PPP2R2B: variants seen among roughly 807,000 people sequenced by gnomAD.
PPP2R2B encodes protein phosphatase 2 regulatory subunit Bbeta.
Under a neutral mutation model 46.0 loss-of-function variants are expected in PPP2R2B, and 5 were observed. That is an observed-to-expected ratio of 0.11 (90% CI 0.06 to 0.23). PPP2R2B has a LOEUF of 0.23. Among genes scored for constraint, PPP2R2B ranks in the 10% least tolerant of loss-of-function variants. The pLI is 1.00. For synonymous variants in PPP2R2B, 215 were observed against 206.7 expected (o/e 1.04, Z -0.34); for missense variants, 367 against 575.0 (o/e 0.64, Z 3.70).
intron 2 of PPP2R2B, among the ~76,000 whole-genome samples, chr5:147,070,206 C>T (rs770320740): frequency 1.1e-4 from 16 of 152,054 alleles, no homozygotes; most frequent in Non-Finnish European, 1.3e-4. Context: ...TACCACAGAC[C>T]GTGGCTATTT....
intron 1 of PPP2R2B, among the ~76,000 whole-genome samples, chr5:146,956,218 C>T (rs1751899961): frequency 7.6e-6 from 1 of 132,204 alleles, no homozygotes; most frequent in African/African-American, 2.6e-5. Flanking sequence ...AATTTTCTCC[C>T]ATCAAATTTC....
intron 5 of PPP2R2B, among the ~76,000 whole-genome samples, chr5:146,678,817 C>T (rs1777923537): frequency 8.4e-6 from 1 of 118,476 alleles, no homozygotes; most frequent in Non-Finnish European, 1.6e-5. Flanking sequence ...AATAAAATAC[C>T]TAGGAATCCA....
intron 2 of PPP2R2B, among the ~76,000 whole-genome samples, chr5:146,853,899 A>G (rs1017670420): frequency 1.4e-4 from 22 of 152,000 alleles, no homozygotes; most frequent in Admixed American, 1.2e-3. Context: ...CTGCTTCCTC[A>G]TGAGCCCTGC....
At chr5:147,062,969 AG>A (rs1251376997) in intron 2 of PPP2R2B, among the ~76,000 whole-genome samples, 3 of 48,856 alleles carry the variant, frequency 6.1e-5, no homozygotes, top group African/African-American at 3.5e-4. Flanking sequence ...GGAGGGAGGG[AG>A]GGAGGGAGGG....
intron 1 of PPP2R2B, among the ~76,000 whole-genome samples, chr5:146,936,794 A>G (rs1287996522): frequency 2.6e-5 from 4 of 152,182 alleles, no homozygotes; most frequent in Non-Finnish European, 5.9e-5. Context: ...GGGATCATAG[A>G]AATAAAAGAC....
intron 1 of PPP2R2B, among the ~76,000 whole-genome samples, chr5:147,007,405 A>C (rs1468301074): frequency 4.6e-5 from 7 of 151,874 alleles, no homozygotes; most frequent in African/African-American, 7.3e-5. Flanking sequence ...ACCAATCAGC[A>C]CTCTGTGTCT....
At chr5:146,677,348 A>G (rs1430826700) in intron 5 of PPP2R2B, among the ~76,000 whole-genome samples, 1 of 152,190 alleles carries the variant, frequency 6.6e-6, no homozygotes, top group East Asian at 1.9e-4. Context: ...GTTGAGAAAG[A>G]ACTCAGGCAG....
chr5:147,022,455 G>A (rs114056996), intron 1 of PPP2R2B, among the ~76,000 whole-genome samples: 2,785 of 151,960 alleles, frequency 0.018, 102 homozygotes, highest in African/African-American at 0.063. Flanking sequence ...AGCCATTCGG[G>A]AGGCTGAGGC....
At chr5:146,997,047 A>G (rs559484651) in intron 1 of PPP2R2B, among the ~76,000 whole-genome samples, 5 of 152,232 alleles carry the variant, frequency 3.3e-5, no homozygotes, top group Admixed American at 2.0e-4. Context: ...CAAACACGGG[A>G]TTGCACCCAA....
chr5:146,769,092 G>A (rs909567480), intron 2 of PPP2R2B, among the ~76,000 whole-genome samples: 1 of 152,120 alleles, frequency 6.6e-6, no homozygotes, highest in African/African-American at 2.4e-5. Flanking sequence ...TGGCCAGGCT[G>A]GTCTTGAACT....
At chr5:147,012,066 T>G (rs980956840) in intron 1 of PPP2R2B, among the ~76,000 whole-genome samples, 27 of 150,658 alleles carry the variant, frequency 1.8e-4, no homozygotes, top group African/African-American at 6.6e-4. Flanking sequence ...CTGCCTGGCT[T>G]TGGTATCAGA....
intron 5 of PPP2R2B, among the ~76,000 whole-genome samples, chr5:146,669,285 A>C (rs1177035885): frequency 6.6e-6 from 1 of 152,176 alleles, no homozygotes; most frequent in Non-Finnish European, 1.5e-5. Context: ...AGCAAATTTA[A>C]ATAATGGGTC....
chr5:146,933,030 C>T (rs888123359), intron 1 of PPP2R2B, among the ~76,000 whole-genome samples: 22 of 152,094 alleles, frequency 1.4e-4, no homozygotes, highest in African/African-American at 4.8e-4. Flanking sequence ...AAAATATTCA[C>T]GTGGGAATTA....
intron 1 of PPP2R2B, among the ~76,000 whole-genome samples, chr5:146,972,841 TG>T (rs1192208258): frequency 6.6e-6 from 1 of 152,256 alleles, no homozygotes; most frequent in Admixed American, 6.5e-5. Context: ...GACATTTTTC[TG>T]TTGAACTTCT....
Position 146,878,232 on chromosome 5 carries a change from A to T in PPP2R2B, c.-124-37T>A, listed in dbSNP as rs1277046357. 10 of 1,529,952 alleles carry T rather than the reference A, an allele frequency of 6.5e-6. No individual in the cohort carries two copies. Among genetic ancestry groups the T allele is most frequent in the Non-Finnish European group, 8.8e-6 (10 of 1,139,658 alleles). 94.8% of individuals were successfully genotyped at this position (1,529,952 alleles called of 1,614,324 possible). On this transcript the variant is annotated intron_variant, in intron 1 of 9. Coordinates refer to ENST00000394411, the MANE Select transcript of PPP2R2B (RefSeq NM_181675.4). The surrounding 1 kb of genome is among the most constrained non-coding windows in gnomAD (Gnocchi z 4.5). ...ACGGGGAGGCGGAGAGAAAAAAAAT[A>T]AAAACCCGGCAATGGAGCTGTCACC...
At chr5:146,934,705 A>G (rs576384298) in intron 1 of PPP2R2B, among the ~76,000 whole-genome samples, 51 of 151,304 alleles carry the variant, frequency 3.4e-4, no homozygotes, top group South Asian at 8.4e-4. Context: ...AAAACTAAAT[A>G]TTTGAAAGTT....
intron 1 of PPP2R2B, among the ~76,000 whole-genome samples, chr5:147,016,361 G>A (rs954966091): frequency 3.3e-5 from 5 of 150,874 alleles, no homozygotes; most frequent in Non-Finnish European, 7.4e-5. Context: ...TAGCAGTTTT[G>A]GGGGGGACAA....
At chr5:146,990,246 G>A (rs961954594) in intron 1 of PPP2R2B, among the ~76,000 whole-genome samples, 9 of 151,682 alleles carry the variant, frequency 5.9e-5, no homozygotes, top group Non-Finnish European at 1.2e-4. Context: ...AATTCATGTG[G>A]AAGTGCAAAA....
intron 1 of PPP2R2B, among the ~76,000 whole-genome samples, chr5:146,993,513 A>T (rs1561562634): frequency 1.3e-5 from 2 of 152,064 alleles, no homozygotes; most frequent in South Asian, 4.2e-4. Context: ...AAGTGCTGGG[A>T]TTACAGGTGT....
Sources: gnomAD v4.1 joint callset for allele counts (sites outside exome capture counted in the v4.1 genomes callset) on GRCh38, gnomAD v4.1.1 for gene constraint, Gnocchi (gnomAD v3.1) non-coding constraint, MANE v1.5 for transcripts, NCBI Gene and HGNC (gene_info 2026-07-23, HGNC 2026-07-21) for gene names.